The following GRM8 variants were observed in gnomAD, a reference collection of about 807,000 sequenced individuals.
The protein encoded by GRM8 is glutamate metabotropic receptor 8, also known as metabotropic glutamate receptor 8.
GRM8 carries 47 observed loss-of-function variants against 87.2 expected under a neutral mutation model. The observed-to-expected ratio is 0.54, with a 90% CI of 0.43 to 0.69. The LOEUF is 0.69. GRM8 is among the 30% of genes least tolerant of loss of function. The probability of loss-of-function intolerance (pLI) is 0.00; values close to 1 mark genes in which losing one functional copy is unlikely to be tolerated. For missense variants in GRM8, 1,019 were observed against 1,139.2 expected (o/e 0.89, Z 1.52); for synonymous variants, 396 against 404.5 (o/e 0.98, Z 0.25).
At chr7:127,001,263 A>G (rs1039265334) in intron 3 of GRM8, among the ~76,000 whole-genome samples, 7 of 151,700 alleles carry the variant, frequency 4.6e-5, no homozygotes, top group Admixed American at 2.0e-4. Flanking sequence ...TAACTTATCA[A>G]TTACAGACCT....
intron 3 of GRM8, among the ~76,000 whole-genome samples, chr7:127,043,535 T>G (rs1229471996): frequency 6.6e-6 from 1 of 152,144 alleles, no homozygotes; most frequent in Non-Finnish European, 1.5e-5. Flanking sequence ...AAACACCACA[T>G]GTTCTCACTC....
chr7:127,236,270 C>T (rs1258958776), intron 2 of GRM8, among the ~76,000 whole-genome samples: 1 of 152,162 alleles, frequency 6.6e-6, no homozygotes, highest in Non-Finnish European at 1.5e-5. Context: ...ATGAAAATAG[C>T]AACTCTCAAA....
chr7:126,706,138 A>G (rs547651454), intron 7 of GRM8, among the ~76,000 whole-genome samples: 1 of 152,308 alleles, frequency 6.6e-6, no homozygotes, highest in Admixed American at 6.5e-5. Context: ...CTTTGTTTCA[A>G]TATCCATGTA....
chr7:127,169,524 C>A (rs1793661621), intron 2 of GRM8, among the ~76,000 whole-genome samples: 1 of 151,984 alleles, frequency 6.6e-6, no homozygotes, highest in African/African-American at 2.4e-5. Context: ...TCCAGAAGAT[C>A]CAACTAAGAT....
intron 3 of GRM8, among the ~76,000 whole-genome samples, chr7:127,059,204 A>T (rs1321182904): frequency 6.6e-6 from 1 of 152,198 alleles, no homozygotes; most frequent in Non-Finnish European, 1.5e-5. Context: ...AGAAGAAAAA[A>T]ATTCCACATT....
At chr7:126,459,686 A>G (rs928472748) in intron 9 of GRM8, among the ~76,000 whole-genome samples, 3 of 151,476 alleles carry the variant, frequency 2.0e-5, no homozygotes, top group African/African-American at 7.3e-5. Context: ...GTGGCAATGC[A>G]GAGGCTCCAC....
At chr7:126,489,929 C>T (rs1807808700) in intron 9 of GRM8, among the ~76,000 whole-genome samples, 1 of 151,982 alleles carries the variant, frequency 6.6e-6, no homozygotes, top group Non-Finnish European at 1.5e-5. Flanking sequence ...CCTCCCCCAC[C>T]AGAGCCAAGA....
At chr7:126,979,073 T>C (rs1457085292) in intron 3 of GRM8, among the ~76,000 whole-genome samples, 1 of 152,192 alleles carries the variant, frequency 6.6e-6, no homozygotes, top group Non-Finnish European at 1.5e-5. Context: ...GAAGCATACT[T>C]TCCTTTCTTC....
intron 3 of GRM8, among the ~76,000 whole-genome samples, chr7:127,016,163 A>G (rs1815645824): frequency 6.6e-6 from 1 of 152,120 alleles, no homozygotes; most frequent in Non-Finnish European, 1.5e-5. Context: ...GAAAATGTCC[A>G]GGGGAGAAGC....
chr7:127,139,694 T>C (rs905763261), intron 2 of GRM8, among the ~76,000 whole-genome samples: 1 of 152,080 alleles, frequency 6.6e-6, no homozygotes, highest in African/African-American at 2.4e-5. Context: ...TAAATCTCTG[T>C]AGCTCATGGA....
At chr7:126,507,763 C>G (rs943085025) in intron 9 of GRM8, among the ~76,000 whole-genome samples, 2 of 151,998 alleles carry the variant, frequency 1.3e-5, no homozygotes, top group Non-Finnish European at 2.9e-5. Flanking sequence ...ACAATTCCTT[C>G]TTTTTCGAGC....
At chr7:126,853,431 C>A (rs1216530946) in intron 6 of GRM8, among the ~76,000 whole-genome samples, 1 of 152,106 alleles carries the variant, frequency 6.6e-6, no homozygotes, top group African/African-American at 2.4e-5. Context: ...CTCTAATGGA[C>A]AAGTCTTGCA....
Position 126,465,987 on chromosome 7 carries a change from T to C in GRM8, c.2431-19615A>G, listed in dbSNP as rs936083665. Among the ~76,000 whole-genome samples, 5 of 151,946 alleles carry C rather than the reference T, an allele frequency of 3.3e-5. No homozygotes were observed. In the South Asian group the frequency reaches 8.3e-4, roughly 25 times the overall value. On this transcript the variant is annotated intron_variant, in intron 9 of 10. Coordinates refer to ENST00000339582, the MANE Select transcript of GRM8 (RefSeq NM_000845.3). ...TTACCAGATTAGATAAATTCTCTTATATGCTTAGTTTGCTAATAATGCATT... is the reference window on the plus strand; with the variant it reads ...TTACCAGATTAGATAAATTCTCTTACATGCTTAGTTTGCTAATAATGCATT...
intron 9 of GRM8, among the ~76,000 whole-genome samples, chr7:126,449,027 T>A (rs1802325519): frequency 6.6e-6 from 1 of 151,830 alleles, no homozygotes. Flanking sequence ...CTTGTATCCC[T>A]GAACTTAAAA....
intron 8 of GRM8, among the ~76,000 whole-genome samples, chr7:126,587,381 T>A (rs1455070751): frequency 6.6e-6 from 1 of 152,202 alleles, no homozygotes; most frequent in Non-Finnish European, 1.5e-5. Context: ...TGCACACGTA[T>A]GTTTATTGCG....
chr7:126,547,233 T>C (rs1196950632), intron 8 of GRM8, among the ~76,000 whole-genome samples: 2 of 152,282 alleles, frequency 1.3e-5, no homozygotes, highest in African/African-American at 4.8e-5. Flanking sequence ...CAAAGATCAC[T>C]GGGCATTTAA....
chr7:126,632,610 T>TA (rs1482288628), intron 7 of GRM8, among the ~76,000 whole-genome samples: 5 of 152,024 alleles, frequency 3.3e-5, no homozygotes, highest in African/African-American at 9.7e-5. Context: ...CTATTCACAA[T>TA]AAAAAAGTCA....
chr7:127,073,645 C>T (rs539364032), intron 3 of GRM8, among the ~76,000 whole-genome samples: 1 of 152,158 alleles, frequency 6.6e-6, no homozygotes, highest in Non-Finnish European at 1.5e-5. Context: ...CTAAAACTGA[C>T]CCCGCAAATT....
intron 2 of GRM8, among the ~76,000 whole-genome samples, chr7:127,188,908 G>C (rs1017164218): frequency 6.6e-6 from 1 of 152,090 alleles, no homozygotes; most frequent in Admixed American, 6.5e-5. Context: ...CTTTTATCTT[G>C]TATTAAACGA....
Sources: allele counts gnomAD v4.1 joint callset (sites outside exome capture counted in the v4.1 genomes callset), GRCh38; gene constraint gnomAD v4.1.1; transcripts MANE v1.5; gene names NCBI Gene and HGNC (gene_info 2026-07-23, HGNC 2026-07-21).